Variants in HNRNPLL observed in about 807,000 individuals in gnomAD.
The protein encoded by HNRNPLL is heterogeneous nuclear ribonucleoprotein L-like.
Under a neutral mutation model 67.1 loss-of-function variants are expected in HNRNPLL, and 25 were observed. That is an observed-to-expected ratio of 0.37 (90% CI 0.27 to 0.52). The LOEUF (loss-of-function observed/expected upper bound fraction) is 0.52. HNRNPLL is among the 20% of genes least tolerant of loss of function. The pLI is 0.90. For synonymous variants in HNRNPLL, 267 were observed against 241.7 expected (o/e 1.10, Z -0.97); for missense variants, 542 against 673.9 (o/e 0.80, Z 2.17).
chr2:38,589,308 A>G (rs1013103908), intron 2 of HNRNPLL, among the ~76,000 whole-genome samples: 15 of 152,206 alleles, frequency 9.9e-5, no homozygotes, highest in Non-Finnish European at 1.9e-4. Flanking sequence ...GTGATTCACC[A>G]TTTTAATATA....
intron 1 of HNRNPLL, among the ~76,000 whole-genome samples, chr2:38,594,058 C>T (rs1187353848): frequency 6.6e-6 from 1 of 150,868 alleles, no homozygotes; most frequent in African/African-American, 2.4e-5. Context: ...GCCTGTAGTA[C>T]CAGCTACTCT....
intron 12 of HNRNPLL, among the ~76,000 whole-genome samples, chr2:38,564,563 C>T (rs570127653): frequency 3.9e-4 from 49 of 124,614 alleles, no homozygotes; most frequent in Non-Finnish European, 7.0e-4. Context: ...GAGGTTGCAG[C>T]AAGCCAAGAT....
intron 1 of HNRNPLL, among the ~76,000 whole-genome samples, chr2:38,597,778 C>T (rs572057692): frequency 3.9e-4 from 60 of 151,986 alleles, no homozygotes; most frequent in Non-Finnish European, 6.9e-4. Context: ...AACCGTCGCC[C>T]CTCCAGGTTT....
intron 8 of HNRNPLL, among the ~76,000 whole-genome samples, chr2:38,570,545 G>C (rs1463650361): frequency 6.6e-6 from 1 of 152,180 alleles, no homozygotes; most frequent in Non-Finnish European, 1.5e-5. Flanking sequence ...CGTTATTTCA[G>C]GACAGTTTGG....
At chr2:38,567,414 C>G (rs946728842) in intron 12 of HNRNPLL, among the ~76,000 whole-genome samples, 1 of 151,900 alleles carries the variant, frequency 6.6e-6, no homozygotes, top group Non-Finnish European at 1.5e-5. Flanking sequence ...CAGTGCCTAG[C>G]CAAGTTTTAA....
At chr2:38,600,445 G>A (rs558280709) in intron 1 of HNRNPLL, among the ~76,000 whole-genome samples, 4 of 152,236 alleles carry the variant, frequency 2.6e-5, no homozygotes, top group Admixed American at 2.6e-4. Context: ...TGTATGCTAA[G>A]ACCAGGTGCG....
At chr2:38,584,688 TAAAGA>T (rs1435032512) in intron 3 of HNRNPLL, among the ~76,000 whole-genome samples, 2 of 152,068 alleles carry the variant, frequency 1.3e-5, no homozygotes, top group African/African-American at 4.8e-5. Flanking sequence ...ACAATGGCCA[TAAAGA>T]AAAGACCCAA....
intron 1 of HNRNPLL, 134 bp from the exon 2 acceptor site, chr2:38,591,782 C>T (rs1476268771): frequency 7.7e-6 from 4 of 519,190 alleles, no homozygotes; most frequent in Non-Finnish European, 1.4e-5. Context: ...TCGAGACCAG[C>T]CTGGCCAACA....
chr2:38,567,354 G>A (rs1274457143), intron 12 of HNRNPLL, among the ~76,000 whole-genome samples: 3 of 151,998 alleles, frequency 2.0e-5, no homozygotes, highest in Admixed American at 6.6e-5. Context: ...GACCTCAGAC[G>A]ATCCACCCGC....
intron 1 of HNRNPLL, among the ~76,000 whole-genome samples, chr2:38,593,248 T>C (rs1667031450): frequency 6.6e-6 from 1 of 152,214 alleles, no homozygotes; most frequent in South Asian, 2.1e-4. Context: ...TTAAGCAACA[T>C]TAACAATCAG....
intron 1 of HNRNPLL, among the ~76,000 whole-genome samples, chr2:38,594,062 C>A (rs894916007): frequency 3.3e-5 from 5 of 151,398 alleles, no homozygotes; most frequent in African/African-American, 2.4e-5. Flanking sequence ...GTAGTACCAG[C>A]TACTCTGGAG....
chr2:38,576,264 T>C (rs546976119), intron 7 of HNRNPLL, among the ~76,000 whole-genome samples: 21 of 151,954 alleles, frequency 1.4e-4, no homozygotes, highest in Admixed American at 5.3e-4. Flanking sequence ...GCCATGACTC[T>C]ACAACTATAC....
At chr2:38,596,251 G>C (rs1307609620) in intron 1 of HNRNPLL, among the ~76,000 whole-genome samples, 3 of 151,988 alleles carry the variant, frequency 2.0e-5, no homozygotes, top group Admixed American at 6.6e-5. Flanking sequence ...AAGAAATCTG[G>C]TGTCATTTGT....
Position 38,583,935 on chromosome 2 carries a change from G to C in HNRNPLL, c.547-9C>G, listed in dbSNP as rs1335681694. ...ACAGTATATAAAACATCCTATGAAG[G>C]AAAAGAAAAAGATTTCTTCACACTT... On this transcript the variant is annotated splice_polypyrimidine_tract_variant and intron_variant, in intron 3 of 12. Transcript: ENST00000449105. 1 of 1,295,548 alleles carries C rather than the reference G, an allele frequency of 7.7e-7. No individual in the cohort carries two copies. Among genetic ancestry groups the C allele is most frequent in the Non-Finnish European group, 1.1e-6 (1 of 937,986 alleles). 80.3% of individuals were successfully genotyped at this position (1,295,548 alleles called of 1,614,324 possible).
chr2:38,596,500 CACCT>C (rs1667199123), intron 1 of HNRNPLL, among the ~76,000 whole-genome samples: 1 of 152,122 alleles, frequency 6.6e-6, no homozygotes, highest in Non-Finnish European at 1.5e-5. Context: ...TCAAGTGATC[CACCT>C]GCCTCAGCCT....
At position 38,602,621 on chromosome 2, in the gene HNRNPLL, G is replaced by A. The variant is rs1185808917; in HGVS notation, c.6C>T (p.Ser2=). Residue 2 remains serine (S), a synonymous_variant, in exon 1 of 13, where the codon TCC becomes TCT. Transcript: ENST00000449105. M[S]SSSSSPRETY... is the part of the protein sequence containing the mutation. ...TCTCCCTGGGGGAGGAAGAGGAGGA[G>A]GACATGGCGGCGGCCGGAGGGACCG... 11 of 1,525,276 alleles carry A rather than the reference G, an allele frequency of 7.2e-6. No homozygotes were observed. Among genetic ancestry groups the A allele is most frequent in the Non-Finnish European group, 8.8e-6 (10 of 1,142,416 alleles). The allele number at this position is 1,525,276 out of a possible 1,614,324, so 94.5% of individuals were successfully genotyped here.
At chr2:38,583,214 G>A (rs1666602936) in intron 4 of HNRNPLL, among the ~76,000 whole-genome samples, 1 of 151,894 alleles carries the variant, frequency 6.6e-6, no homozygotes, top group African/African-American at 2.4e-5. Flanking sequence ...AATCACAAAG[G>A]TATATAAGGT....
chr2:38,579,182 T>C (rs1299617550), intron 6 of HNRNPLL, among the ~76,000 whole-genome samples: 1 of 152,142 alleles, frequency 6.6e-6, no homozygotes. Context: ...AATCAGACGA[T>C]TCCAACTTAA....
chr2:38,600,350 A>T (rs1667377454), intron 1 of HNRNPLL, among the ~76,000 whole-genome samples: 2 of 152,198 alleles, frequency 1.3e-5, no homozygotes, highest in South Asian at 4.1e-4. Flanking sequence ...AGCTTCGGTT[A>T]AAAAAGGCAT....
Sources: gnomAD v4.1 joint callset for allele counts (sites outside exome capture counted in the v4.1 genomes callset) on GRCh38, gnomAD v4.1.1 for gene constraint, MANE v1.5 for transcripts, NCBI Gene and HGNC (gene_info 2026-07-23, HGNC 2026-07-21) for gene names.